SMIM35: variants seen among roughly 807,000 people sequenced by gnomAD.
SMIM35 encodes TMPRSS4 antisense RNA 1 (non-protein coding).
chr11:118,066,918 C>G lies in SMIM35; in HGVS notation c.7+19833G>C, dbSNP rs539902624. On this transcript the variant is annotated intron_variant, in intron 1 of 4. Coordinates refer to ENST00000689828, the MANE Select transcript of SMIM35 (RefSeq NM_001394165.1). ...AAAATGAGATTGTTACAATTTTACACTCAAGATAGAAAGATAATGGGAGCC... is the reference window on the plus strand; with the variant it reads ...AAAATGAGATTGTTACAATTTTACAGTCAAGATAGAAAGATAATGGGAGCC... Among the ~76,000 whole-genome samples the G allele has an allele frequency of 2.6e-5, 4 of 151,618 alleles. No homozygotes were observed. In the East Asian group the frequency reaches 5.8e-4, roughly 22 times the overall value.
At chr11:118,020,069 C>T (rs2135031547) in intron 1 of SMIM35, among the ~76,000 whole-genome samples, 1 of 152,250 alleles carries the variant, frequency 6.6e-6, no homozygotes, top group Admixed American at 6.5e-5. Flanking sequence ...TCAAGACGAC[C>T]AGCCTGGTCA....
intron 1 of SMIM35, among the ~76,000 whole-genome samples, chr11:118,066,469 C>T (rs78110743): frequency 0.03 from 4,499 of 152,228 alleles, 232 homozygotes; most frequent in African/African-American, 0.1. Flanking sequence ...GCTTAAACTC[C>T]TACTGGCTCC....
intron 1 of SMIM35, chr11:118,059,048 T>A (rs1446075268): frequency 6.6e-6 from 1 of 152,182 alleles, no homozygotes; most frequent in Non-Finnish European, 1.5e-5. Context: ...TCCTCCACAC[T>A]TGGGTTTGTC....
chr11:118,086,222 G>T (rs1052740143), intron 1 of SMIM35, among the ~76,000 whole-genome samples: 3 of 152,208 alleles, frequency 2.0e-5, no homozygotes, highest in Non-Finnish European at 4.4e-5. Flanking sequence ...AGCTATGCCC[G>T]AACACAAAAG....
chr11:118,019,546 C>G (rs889260604), intron 1 of SMIM35, among the ~76,000 whole-genome samples: 4 of 152,212 alleles, frequency 2.6e-5, no homozygotes, highest in Non-Finnish European at 5.9e-5. Context: ...CCCCCAAAGT[C>G]TTTGGCTGTG....
intron 1 of SMIM35, among the ~76,000 whole-genome samples, chr11:118,048,316 C>A (rs1944135971): frequency 6.6e-6 from 1 of 152,130 alleles, no homozygotes; most frequent in Non-Finnish European, 1.5e-5. Context: ...TTGAGTCCAG[C>A]CTGGCCAATA....
chr11:118,042,082 A>AGAGAG (rs1944014116), intron 1 of SMIM35, among the ~76,000 whole-genome samples: 3 of 58,730 alleles, frequency 5.1e-5, no homozygotes, highest in Non-Finnish European at 1.1e-4. Flanking sequence ...GAGAGAGAGA[A>AGAGAG]AGAAAGACAA....
rs578144060 is a variant in SMIM35 at position 118,079,873 on chromosome 11, T to C, written c.7+6878A>G. On this transcript the variant is annotated intron_variant, in intron 1 of 4. Transcript: ENST00000689828. Reference sequence around the variant, plus strand: ...GCCCTGGCAGTGCCATCCTAGGCTCTGAGGTGGTAAACTGAGCTGGGCAGT... The same window carrying C: ...GCCCTGGCAGTGCCATCCTAGGCTCCGAGGTGGTAAACTGAGCTGGGCAGT... 5.3e-5 allele frequency among the ~76,000 whole-genome samples: 8 copies of C among 152,304 alleles called. No individual in the cohort carries two copies. The East Asian group carries it at 1.5e-3, about 29-fold the overall frequency.
chr11:118,058,658 G>C (rs1390059127), intron 1 of SMIM35, among the ~76,000 whole-genome samples: 3 of 152,220 alleles, frequency 2.0e-5, no homozygotes, highest in Non-Finnish European at 4.4e-5. Context: ...GAGGGGCAGT[G>C]CAGACTGGGA....
At chr11:118,084,866 G>A (rs1358137591) in intron 1 of SMIM35, among the ~76,000 whole-genome samples, 1 of 152,214 alleles carries the variant, frequency 6.6e-6, no homozygotes, top group East Asian at 1.9e-4. Flanking sequence ...GCTGGGAAGA[G>A]GCAGAGCTGG....
chr11:118,067,089 C>T (rs772585850), intron 1 of SMIM35: 12 of 152,048 alleles, frequency 7.9e-5, no homozygotes, highest in South Asian at 2.1e-4. Flanking sequence ...ATGAGATCAC[C>T]GAGAAATCCA....
At chr11:118,025,509 C>T (rs1591282284) in intron 1 of SMIM35, 3 of 455,444 alleles carry the variant, frequency 6.6e-6, no homozygotes, top group Non-Finnish European at 1.3e-5. Flanking sequence ...TGGTATCTCA[C>T]TGTGGTTTTG....
intron 1 of SMIM35, among the ~76,000 whole-genome samples, chr11:118,075,256 C>T (rs1431682926): frequency 6.6e-6 from 1 of 152,236 alleles, no homozygotes; most frequent in Non-Finnish European, 1.5e-5. Context: ...ACTTCCAACT[C>T]TCAAGGCCAC....
chr11:118,065,216 C>G (rs974060295), intron 1 of SMIM35, among the ~76,000 whole-genome samples: 1 of 152,178 alleles, frequency 6.6e-6, no homozygotes, highest in Admixed American at 6.5e-5. Flanking sequence ...TCTCAGCATC[C>G]GATTACAGCA....
At chr11:118,061,912 A>AATGTTACTTCTGC (rs1177554344) in intron 1 of SMIM35, among the ~76,000 whole-genome samples, 1 of 152,094 alleles carries the variant, frequency 6.6e-6, no homozygotes, top group Non-Finnish European at 1.5e-5. Context: ...TAACAATGCC[A>AATGTTACTTCTGC]CCTACCACAT....
chr11:118,052,191 G>A lies in SMIM35; in HGVS notation c.7+34560C>T, dbSNP rs904729952. 2.6e-5 allele frequency among the ~76,000 whole-genome samples: 4 copies of A among 152,134 alleles called. 1 individual carries two copies. The highest frequency in any genetic ancestry group is 2.6e-4 in the Admixed American group (4 of 15,278). On this transcript the variant is annotated intron_variant, in intron 1 of 4. Transcript: ENST00000689828. ...CATAGAAAAGGTCATCCCCACCCAC[G>A]TCCCCCAACAGCTGTGCAGCTCTGC...
intron 1 of SMIM35, among the ~76,000 whole-genome samples, chr11:118,056,481 T>C (rs750079598): frequency 6.6e-6 from 1 of 152,124 alleles, no homozygotes; most frequent in Non-Finnish European, 1.5e-5. Context: ...AGTTCCATCG[T>C]CCTGTTGAGC....
At chr11:118,050,166 A>G (rs1944187361) in intron 1 of SMIM35, among the ~76,000 whole-genome samples, 1 of 152,240 alleles carries the variant, frequency 6.6e-6, no homozygotes, top group African/African-American at 2.4e-5. Flanking sequence ...TGTCTTCCAT[A>G]AAATGAAGAG....
At chr11:118,073,184 T>C in intron 1 of SMIM35, among the ~76,000 whole-genome samples, 1 of 151,892 alleles carries the variant, frequency 6.6e-6, no homozygotes, top group East Asian at 1.9e-4. Flanking sequence ...GTGATCCACC[T>C]GCCTTGACCT....
Sources: gnomAD v4.1 joint callset for allele counts (sites outside exome capture counted in the v4.1 genomes callset) on GRCh38, gnomAD v4.1.1 for gene constraint, MANE v1.5 for transcripts, NCBI Gene and HGNC (gene_info 2026-07-23, HGNC 2026-07-21) for gene names.